ANO6: variants seen among roughly 807,000 people sequenced by gnomAD.
ANO6 encodes anoctamin 6, also known as anoctamin-6.
A neutral mutation model predicts 117.5 loss-of-function variants in ANO6; 106 were observed. The ratio of observed to expected loss-of-function variants is 0.90; its 90% CI spans 0.77 to 1.06. The LOEUF is 1.06. Ranked by LOEUF, ANO6 falls within the 50% of genes least tolerant of loss-of-function variation. The pLI, the probability that ANO6 is intolerant of heterozygous loss-of-function variation, is 0.00. For missense variants in ANO6, 955 were observed against 1,121.1 expected, an observed-to-expected ratio of 0.85 and a Z score of 2.12; for synonymous variants, 367 against 385.1, an observed-to-expected ratio of 0.95 and a Z score of 0.55.
chr12:45,305,085 T>A (rs1939624503), intron 2 of ANO6, among the ~76,000 whole-genome samples: 1 of 152,164 alleles, frequency 6.6e-6, no homozygotes, highest in African/African-American at 2.4e-5. Flanking sequence ...TTAGCTAAAC[T>A]ATGCAAAAAT....
At chr12:45,436,963 T>C (rs937910925), downstream of ANO6, among the ~76,000 whole-genome samples, 1 of 151,916 alleles carries the variant, frequency 6.6e-6, no homozygotes, top group South Asian at 2.1e-4. Context: ...TGAAACTCTG[T>C]CCAAAAAAAA....
At chr12:45,296,406 C>A (rs907646480) in intron 1 of ANO6, among the ~76,000 whole-genome samples, 4 of 152,132 alleles carry the variant, frequency 2.6e-5, no homozygotes, top group African/African-American at 9.7e-5. Flanking sequence ...TAGCTCAATC[C>A]CTGGCACACG....
chr12:45,330,213 G>T (rs1397419922), intron 2 of ANO6, among the ~76,000 whole-genome samples: 1 of 151,998 alleles, frequency 6.6e-6, no homozygotes, highest in Admixed American at 6.6e-5. Context: ...GTGGAAAAGG[G>T]GAAAGGAATG....
chr12:45,370,472 G>A (rs939433545), intron 9 of ANO6, among the ~76,000 whole-genome samples: 2 of 152,192 alleles, frequency 1.3e-5, no homozygotes, highest in South Asian at 2.1e-4. Context: ...AAAGAGTAGA[G>A]CTAAGAATTC....
At chr12:45,394,351 G>C (rs891346631) in intron 12 of ANO6, among the ~76,000 whole-genome samples, 2 of 152,280 alleles carry the variant, frequency 1.3e-5, no homozygotes, top group Non-Finnish European at 1.5e-5. Flanking sequence ...CATAAAGCAA[G>C]TCCTTAGAGA....
Position 45,388,288 on chromosome 12 carries a change from A to C in ANO6, c.1293A>C (p.Ile431=). The part of the protein sequence containing the change: ...EYEARCTHVV[I]NEITQEEERI... ...AAGCACGATGTACTCACGTAGTGATAAATGAGATTACTCAGGTAAGCAGGG... is the reference window on the plus strand; with the variant it reads ...AAGCACGATGTACTCACGTAGTGATCAATGAGATTACTCAGGTAAGCAGGG... Residue 431 remains isoleucine (I), a synonymous_variant, in exon 11 of 20, where the codon ATA becomes ATC. Coordinates refer to ENST00000320560, the MANE Select transcript of ANO6 (RefSeq NM_001025356.3). 1.2e-6 allele frequency: 2 copies of C among 1,614,084 alleles called. No individual in the cohort carries two copies. The highest frequency in any genetic ancestry group is 1.7e-6 in the Non-Finnish European group (2 of 1,179,928).
At chr12:45,405,484 T>G (rs1942908338) in intron 15 of ANO6, among the ~76,000 whole-genome samples, 1 of 152,236 alleles carries the variant, frequency 6.6e-6, no homozygotes, top group African/African-American at 2.4e-5. Context: ...TGCCTTCAAA[T>G]TTCTCCCCCT....
intron 19 of ANO6, among the ~76,000 whole-genome samples, chr12:45,438,039 T>G (rs914291544): frequency 1.3e-5 from 2 of 152,172 alleles, no homozygotes; most frequent in African/African-American, 2.4e-5. Flanking sequence ...AAATCCATTT[T>G]CTGGTCAATG....
chr12:45,390,765 G>C (rs1942427706), intron 12 of ANO6, among the ~76,000 whole-genome samples: 2 of 152,160 alleles, frequency 1.3e-5, no homozygotes, highest in African/African-American at 4.8e-5. Flanking sequence ...GGATTTTCCA[G>C]TTTCTGGTGA....
intron 1 of ANO6, among the ~76,000 whole-genome samples, chr12:45,291,806 C>G (rs1466357255): frequency 6.6e-6 from 1 of 151,806 alleles, no homozygotes; most frequent in Non-Finnish European, 1.5e-5. Flanking sequence ...CAAATAAGAG[C>G]ACACAAAATA....
At chr12:45,216,983 C>A (rs1256938415) in intron 1 of ANO6, among the ~76,000 whole-genome samples, 1 of 152,300 alleles carries the variant, frequency 6.6e-6, no homozygotes, top group Non-Finnish European at 1.5e-5. Context: ...GAGGAATTCC[C>A]CCAGGCAGGG....
At chr12:45,324,933 G>C (rs986684757) in intron 2 of ANO6, among the ~76,000 whole-genome samples, 1 of 152,166 alleles carries the variant, frequency 6.6e-6, no homozygotes, top group Non-Finnish European at 1.5e-5. Context: ...ACTTAGAAAA[G>C]GTGGGCAATT....
intron 2 of ANO6, among the ~76,000 whole-genome samples, chr12:45,326,182 A>C (rs544288770): frequency 1.0e-3 from 153 of 152,300 alleles, no homozygotes; most frequent in African/African-American, 1.9e-3. Flanking sequence ...AAACAGAGGT[A>C]AAATCAGGAA....
intron 1 of ANO6, among the ~76,000 whole-genome samples, chr12:45,300,247 TCA>T (rs1225354221): frequency 6.6e-6 from 1 of 152,170 alleles, no homozygotes; most frequent in African/African-American, 2.4e-5. Context: ...AGCTGCATGA[TCA>T]CAGTCACTGT....
chr12:45,258,224 G>A (rs1017760195), intron 1 of ANO6, among the ~76,000 whole-genome samples: 3 of 152,178 alleles, frequency 2.0e-5, no homozygotes, highest in Non-Finnish European at 2.9e-5. Flanking sequence ...TGCATGTAGT[G>A]TATTCAGTAT....
intron 2 of ANO6, among the ~76,000 whole-genome samples, chr12:45,311,101 G>T (rs1939835537): frequency 6.6e-6 from 1 of 151,918 alleles, no homozygotes. Flanking sequence ...GATGTGTGGG[G>T]AAAAAATGTA....
Position 45,216,279 on chromosome 12 carries a change from C to T in ANO6, c.-43C>T, listed in dbSNP as rs747464479. 4 of 1,577,224 alleles carry T rather than the reference C, an allele frequency of 2.5e-6. No homozygotes were observed. The highest frequency in any genetic ancestry group is 2.3e-5 in the South Asian group (2 of 86,196). On this transcript the variant is annotated 5_prime_UTR_variant, in exon 1 of 20. Coordinates refer to ENST00000320560, the MANE Select transcript of ANO6 (RefSeq NM_001025356.3). The stretch of plus-strand genomic sequence containing the variant: ...CCGCGCCGTTCTGGAACCCGGGAGC[C>T]CCCAACTTCGCGCCAAGTTCGGAGC...
At chr12:45,299,478 T>C (rs1041538606) in intron 1 of ANO6, among the ~76,000 whole-genome samples, 1 of 152,238 alleles carries the variant, frequency 6.6e-6, no homozygotes, top group Non-Finnish European at 1.5e-5. Flanking sequence ...GATTGTACTG[T>C]CATTTCTACT....
At chr12:45,417,196 C>T (rs185612846) in intron 17 of ANO6, among the ~76,000 whole-genome samples, 2 of 152,250 alleles carry the variant, frequency 1.3e-5, no homozygotes, top group East Asian at 3.9e-4. Flanking sequence ...TTTTAATCCT[C>T]ACATAACTAT....
Sources: allele counts gnomAD v4.1 joint callset (sites outside exome capture counted in the v4.1 genomes callset), GRCh38; gene constraint gnomAD v4.1.1; transcripts MANE v1.5; gene names NCBI Gene and HGNC (gene_info 2026-07-23, HGNC 2026-07-21).